The following LRCH2 variants were observed in gnomAD, a reference collection of about 807,000 sequenced individuals.
The protein encoded by LRCH2 is leucine rich repeats and calponin homology domain containing 2, also known as leucine-rich repeat and calponin homology domain-containing protein 2.
LRCH2 carries 38 observed loss-of-function variants against 68.9 expected under a neutral mutation model. That is an observed-to-expected ratio of 0.55 (90% CI 0.43 to 0.72). LRCH2 has a LOEUF of 0.72. LRCH2 is among the 30% of genes least tolerant of loss of function. The probability of loss-of-function intolerance (pLI) is 0.00; values close to 1 mark genes in which losing one functional copy is unlikely to be tolerated. For synonymous variants in LRCH2, 191 were observed against 208.1 expected (o/e 0.92, Z 0.71); for missense variants, 528 against 572.9 (o/e 0.92, Z 0.80).
intron 1 of LRCH2, among the ~76,000 whole-genome samples, chrX:115,195,940 C>T (rs781841759): frequency 4.5e-5 from 5 of 112,006 alleles, no homozygotes; most frequent in African/African-American, 1.6e-4. Context: ...CAGTAAGATG[C>T]GATTCTTAAT....
At chrX:115,221,285 A>G (rs1397114679) in intron 1 of LRCH2, among the ~76,000 whole-genome samples, 2 of 103,671 alleles carry the variant, frequency 1.9e-5, no homozygotes, top group Non-Finnish European at 1.9e-5. Context: ...TTTAATACTC[A>G]TATATCTGCT....
At chrX:115,188,029 G>T (rs782611867) in intron 2 of LRCH2, among the ~76,000 whole-genome samples, 197 bp downstream of exon 2, 1 of 112,313 alleles carries the variant, frequency 8.9e-6, no homozygotes, top group Non-Finnish European at 1.9e-5. Flanking sequence ...TAATTCCTGT[G>T]TGTTAAAGTT....
chrX:115,217,682 T>C (rs1473700355), intron 1 of LRCH2, among the ~76,000 whole-genome samples: 2 of 112,075 alleles, frequency 1.8e-5, no homozygotes, highest in East Asian at 2.8e-4. Flanking sequence ...AGTGCTGCAA[T>C]AAACGTACGT....
chrX:115,231,363 T>C (rs368888470), intron 1 of LRCH2, among the ~76,000 whole-genome samples: 1 of 111,840 alleles, frequency 8.9e-6, no homozygotes, highest in Admixed American at 9.5e-5. Flanking sequence ...ACACACTCTA[T>C]TTTTCTTCAG....
intron 11 of LRCH2, among the ~76,000 whole-genome samples, chrX:115,158,611 A>G (rs1004567798): frequency 7.1e-5 from 8 of 112,129 alleles, no homozygotes; most frequent in Non-Finnish European, 1.3e-4. Flanking sequence ...TTTGTTATTT[A>G]GCTGTATCAC....
At chrX:115,218,568 T>C (rs782544385) in intron 1 of LRCH2, among the ~76,000 whole-genome samples, 21 of 112,536 alleles carry the variant, frequency 1.9e-4, no homozygotes, top group Non-Finnish European at 3.8e-4. Flanking sequence ...CTCTGATTGT[T>C]TGTTTTTTGC....
intron 11 of LRCH2, among the ~76,000 whole-genome samples, chrX:115,159,244 C>T (rs1191400867): frequency 1.8e-5 from 2 of 110,376 alleles, no homozygotes; most frequent in Non-Finnish European, 3.8e-5. Context: ...AGAACTTACT[C>T]ATCATGCAAC....
At chrX:115,135,034 C>T (rs1385860865) in intron 14 of LRCH2, among the ~76,000 whole-genome samples, 1 of 110,343 alleles carries the variant, frequency 9.1e-6, no homozygotes, top group African/African-American at 3.3e-5. Flanking sequence ...TTGAAGGGCT[C>T]AAGACATCAG....
At chrX:115,188,846 C>T (rs2072754900) in intron 1 of LRCH2, among the ~76,000 whole-genome samples, 1 of 111,969 alleles carries the variant, frequency 8.9e-6, no homozygotes, top group Admixed American at 9.4e-5. Flanking sequence ...AAGAAAAAAA[C>T]CTCATAGAAC....
intron 20 of LRCH2, among the ~76,000 whole-genome samples, chrX:115,115,595 A>G (rs1556523787): frequency 9.0e-6 from 1 of 110,913 alleles, no homozygotes; most frequent in African/African-American, 3.3e-5. Context: ...AAACTATAAA[A>G]CTTTTAGAAG....
At chrX:115,154,681 G>A (rs2072459125) in intron 12 of LRCH2, among the ~76,000 whole-genome samples, 1 of 111,449 alleles carries the variant, frequency 9.0e-6, no homozygotes, top group Non-Finnish European at 1.9e-5. Flanking sequence ...GTTCTTTTTA[G>A]AATGGCAAAG....
At chrX:115,204,083 G>A (rs782488242) in intron 1 of LRCH2, among the ~76,000 whole-genome samples, 1 of 113,021 alleles carries the variant, frequency 8.8e-6, no homozygotes, top group African/African-American at 3.2e-5. Context: ...GCACCCACAG[G>A]CCCAACACCA....
intron 1 of LRCH2, chrX:115,189,811 C>G: frequency 8.6e-7 from 1 of 1,167,364 alleles, no homozygotes; most frequent in South Asian, 1.9e-5. Flanking sequence ...ACCCCCCTCT[C>G]AGGGCAGGCC....
intron 1 of LRCH2, among the ~76,000 whole-genome samples, chrX:115,189,015 T>G (rs2072756426): frequency 9.0e-6 from 1 of 111,519 alleles, no homozygotes; most frequent in Admixed American, 9.5e-5. Context: ...ATCTGCCTCT[T>G]CTTTTACAGC....
At chrX:115,191,024 A>G in intron 1 of LRCH2, 7 of 1,163,714 alleles carry the variant, frequency 6.0e-6, no homozygotes, top group East Asian at 3.3e-5. Context: ...CGTTCACCCG[A>G]CACCCACAGT....
chrX:115,161,845 A>T (rs1254788817), intron 11 of LRCH2, among the ~76,000 whole-genome samples: 1 of 111,281 alleles, frequency 9.0e-6, no homozygotes, highest in Non-Finnish European at 1.9e-5. Flanking sequence ...AAATACAGAA[A>T]TATCGTATAT....
chrX:115,189,682 G>C, intron 1 of LRCH2: 1 of 1,168,365 alleles, frequency 8.6e-7, no homozygotes, highest in Non-Finnish European at 1.1e-6. Flanking sequence ...GGCCATCATG[G>C]TGGCCCAGAC....
At chrX:115,211,667 C>G (rs2073007950) in intron 1 of LRCH2, among the ~76,000 whole-genome samples, 1 of 111,783 alleles carries the variant, frequency 8.9e-6, no homozygotes, top group Admixed American at 9.5e-5. Context: ...CTTTAACACA[C>G]TACTGTGGCC....
At chrX:115,174,601 C>CCCA (rs1556549332) in intron 5 of LRCH2, among the ~76,000 whole-genome samples, 6 of 66,623 alleles carry the variant, frequency 9.0e-5, no homozygotes, top group African/African-American at 3.0e-4. Context: ...ACCCCCCCCC[C>CCCA]CACACACACA....
Sources: allele counts gnomAD v4.1 joint callset (sites outside exome capture counted in the v4.1 genomes callset), GRCh38; gene constraint gnomAD v4.1.1; transcripts MANE v1.5; gene names NCBI Gene and HGNC (gene_info 2026-07-23, HGNC 2026-07-21).